The following RNH1 variants were observed in gnomAD, a reference collection of about 807,000 sequenced individuals.
RNH1 encodes ribonuclease inhibitor.
A neutral mutation model predicts 46.1 loss-of-function variants in RNH1; 38 were observed. That is an observed-to-expected ratio of 0.82 (90% CI 0.64 to 1.08). The LOEUF is 1.08. Ranked by LOEUF, RNH1 falls within the 50% of genes least tolerant of loss-of-function variation. The probability of loss-of-function intolerance (pLI) is 0.00; values close to 1 mark genes in which losing one functional copy is unlikely to be tolerated. For synonymous variants in RNH1, 319 were observed against 279.1 expected (o/e 1.14, Z -1.43); for missense variants, 577 against 590.7 (o/e 0.98, Z 0.24).
intron 5 of RNH1, chr11:499,431 G>C: frequency 1.5e-6 from 1 of 678,300 alleles, no homozygotes; most frequent in Non-Finnish European, 2.7e-6. Flanking sequence ...AGGCCCGGGA[G>C]AAAGAAACCA....
At position 498,018 on chromosome 11, in the gene RNH1, C is replaced by T. The variant is rs780449071; in HGVS notation, c.1080G>A (p.Glu360=). ...NNRLEDAGVR[E]LCQGLGQPGS... is the part of the protein sequence containing the mutation. ...CAGGCTGGCCCAGGCCCTGGCACAG[C>T]TCCCGCACGCCCGCATCCTCCAGCC... The change falls in exon 9 of 11, where the codon GAG becomes GAA. Residue 360 remains glutamate, a synonymous_variant. Transcript: ENST00000354420. 3.7e-6 allele frequency: 6 copies of T among 1,614,138 alleles called. No homozygotes were observed. Among genetic ancestry groups the T allele is most frequent in the Non-Finnish European group, 5.1e-6 (6 of 1,180,028 alleles).
Position 500,182 on chromosome 11 carries a change from G to C in RNH1, c.273-183C>G, listed in dbSNP as rs149205078. The C allele has an allele frequency of 2.4e-3, 1,758 of 730,514 alleles. 6 individuals carry two copies. The highest frequency in any genetic ancestry group is 3.0e-3 in the Non-Finnish European group (1,371 of 457,682). 45.3% of individuals were successfully genotyped at this position (730,514 alleles called of 1,614,324 possible). A position where few individuals can be genotyped will look rare whatever the true frequency, so the allele number is the denominator to read the frequency against. On this transcript the variant is annotated intron_variant, in intron 4 of 10. Coordinates refer to ENST00000354420, the MANE Select transcript of RNH1 (RefSeq NM_203387.3). ...GTGAAGGAGGGCACGCATGTGGCTC[G>C]ACCCAGGGAAACCTTGTCTGCAGAC...
intron 9 of RNH1, among the ~76,000 whole-genome samples, chr11:497,277 A>C (rs1359890328): frequency 6.7e-6 from 1 of 148,318 alleles, no homozygotes; most frequent in Non-Finnish European, 1.5e-5. Context: ...GTGCTCACAC[A>C]CGGACACTCG....
At chr11:500,452 C>A (rs1267745261) in intron 4 of RNH1, 32 bp downstream of exon 4, 2 of 1,587,010 alleles carry the variant, frequency 1.3e-6, no homozygotes, top group Non-Finnish European at 1.7e-6. Flanking sequence ...CAGACTGCAC[C>A]AGGCCAGAGG....
rs779599090 is a variant in RNH1 at position 501,593 on chromosome 11, C to G, written c.101+469G>C. On this transcript the variant is annotated intron_variant, in intron 3 of 10. Transcript: ENST00000354420. This position sits in a 1 kb window ranked among gnomAD's most constrained non-coding sequence, Gnocchi z 4.1. ...CCGCAAACCTGACACTACTTGAAAT[C>G]ACCAGGTAAAAAGAGAAAAGATGCG... 31 of 163,464 alleles carry G rather than the reference C, an allele frequency of 1.9e-4. No individual in the cohort carries two copies. The highest frequency in any genetic ancestry group is 3.6e-4 in the Non-Finnish European group (27 of 74,918). The allele number at this position is 163,464 out of a possible 1,614,324, so 10.1% of individuals were successfully genotyped here. A position where few individuals can be genotyped will look rare whatever the true frequency, so the allele number is the denominator to read the frequency against.
intron 9 of RNH1, 132 bp downstream of exon 9, chr11:497,839 G>A (rs916101150): frequency 1.9e-5 from 21 of 1,095,474 alleles, no homozygotes; most frequent in East Asian, 7.4e-5. Flanking sequence ...GCTCACACTC[G>A]CCTCACCCAT....
In RNH1 at chr11:500,539, C is replaced by T. The variant is rs150705572; in HGVS notation, c.217G>A (p.Val73Met). 47 of 1,610,706 alleles carry T rather than the reference C, an allele frequency of 2.9e-5. No homozygotes were observed. In the African/African-American group the frequency reaches 3.7e-4, roughly 13 times the overall value. Residue 73 changes from valine (V) to methionine (M), a missense_variant, in exon 4 of 11, where the codon GTG becomes ATG. By Grantham distance (21) the Val-to-Met change is conservative (BLOSUM62 1). Coordinates refer to ENST00000354420, the MANE Select transcript of RNH1 (RefSeq NM_203387.3). Reference protein sequence around the residue: ...LRSNELGDVGVHCVLQGLQTP... With the variant: ...LRSNELGDVGMHCVLQGLQTP... ...TGCAGGCCCTGGAGCACGCAATGCACGCCGACATCGCCCAGCTCGTTGCTG... is the reference window on the plus strand; with the variant it reads ...TGCAGGCCCTGGAGCACGCAATGCATGCCGACATCGCCCAGCTCGTTGCTG...
At chr11:499,278 C>T in intron 5 of RNH1, 93 bp from the exon 6 acceptor site, 1 of 1,391,582 alleles carries the variant, frequency 7.2e-7, no homozygotes, top group Non-Finnish European at 9.9e-7. Context: ...GTCTCATCTC[C>T]CCTCAGTCTT....
rs1849825218 is a variant in RNH1, at chr11:502,356, A to T, written c.-87-107T>A. 1.6e-6 allele frequency: 1 copy of T among 614,090 alleles called. No homozygotes were observed. The highest frequency in any genetic ancestry group is 2.7e-5 in the Admixed American group (1 of 37,730). The allele number at this position is 614,090 out of a possible 1,614,324, so 38.0% of individuals were successfully genotyped here. ...CCCCACCTTTGTCTCTGGAGCAGAC[A>T]TCAGGGGTGGGGCAGGGGGCAGGGA... On this transcript the variant is annotated intron_variant, in intron 2 of 10. Coordinates refer to ENST00000354420, the MANE Select transcript of RNH1 (RefSeq NM_203387.3). This position sits in a 1 kb window ranked among gnomAD's most constrained non-coding sequence, Gnocchi z 5.8.
At chr11:498,165 G>T (rs372334175) in intron 8 of RNH1, 24 bp from the exon 9 acceptor site, 1 of 1,600,058 alleles carries the variant, frequency 6.2e-7, no homozygotes, top group East Asian at 2.2e-5. Context: ...CAGGACTGAC[G>T]CCTGGCAGGG....
Position 499,067 on chromosome 11 carries a change from G to A in RNH1, c.562C>T (p.Arg188Cys), listed in dbSNP as rs779317212. The A allele has an allele frequency of 2.5e-6, 4 of 1,613,266 alleles. No homozygotes were observed. The highest frequency in any genetic ancestry group is 2.2e-5 in the East Asian group (1 of 44,866). ...TCCTTCAGGCCCTGGCACAGCACAC[G>A]GACGCCAGCCTCATTGATGTCGTTG... ...SNNDINEAGV[R>C]VLCQGLKDSP... The change falls in exon 6 of 11, where the codon CGT becomes TGT. Residue 188 changes from arginine (R) to cysteine (C), a missense_variant. By Grantham distance (180) the Arg-to-Cys change is radical. Coordinates refer to ENST00000354420, the MANE Select transcript of RNH1 (RefSeq NM_203387.3).
chr11:499,120 G>C lies in RNH1; in HGVS notation c.509C>G (p.Pro170Arg). ...EPLASVLRAK[P>R]DFKELTVSNN... is the part of the protein sequence containing the mutation. ...GCTAACCGTGAGCTCCTTGAAGTCC[G>C]GCTTGGCCCTGAGCACGGAGGCCAG... The change falls in exon 6 of 11, where the codon CCG becomes CGG. Residue 170 changes from proline to arginine, a missense_variant. By Grantham distance (103) the Pro-to-Arg change is moderately radical. Coordinates refer to ENST00000354420, the MANE Select transcript of RNH1 (RefSeq NM_203387.3). 1.2e-6 allele frequency: 2 copies of C among 1,613,302 alleles called. No individual in the cohort carries two copies. The highest frequency in any genetic ancestry group is 1.7e-6 in the Non-Finnish European group (2 of 1,179,940).
rs549415970 is a variant in RNH1, at chr11:497,215, G to A, written c.1127+756C>T. On this transcript the variant is annotated intron_variant, in intron 9 of 10. Coordinates refer to ENST00000354420, the MANE Select transcript of RNH1 (RefSeq NM_203387.3). ...TGCTCACTCTCACCCATGTGCTCACGTACTCTCGCCCATGTGCTCACACAC... is the reference window on the plus strand; with the variant it reads ...TGCTCACTCTCACCCATGTGCTCACATACTCTCGCCCATGTGCTCACACAC... Among the ~76,000 whole-genome samples, 107 of 73,170 alleles carry A rather than the reference G, an allele frequency of 1.5e-3. No homozygotes were observed. The East Asian group carries it at 0.033, about 22-fold the overall frequency. 48.0% of individuals were successfully genotyped at this position (73,170 alleles called of 152,430 possible).
chr11:499,155 G>T lies in RNH1; in HGVS notation c.474C>A (p.Ser158Arg). 6.2e-7 allele frequency: 1 copy of T among 1,612,852 alleles called. No individual in the cohort carries two copies. Among genetic ancestry groups the T allele is most frequent in the Non-Finnish European group, 8.5e-7 (1 of 1,179,946 alleles). ...TGAGCACGGAGGCCAGGGGCTCGCA[G>T]CTGGCAGCCGAGAGGCTGCAATACT... ...QLEYCSLSAASCEPLASVLRA... is the reference protein window; with the variant it reads ...QLEYCSLSAARCEPLASVLRA... The change falls in exon 6 of 11, where the codon AGC becomes AGA. Residue 158 changes from serine to arginine, a missense_variant. Ser to Arg is a moderately radical substitution (Grantham distance 110, BLOSUM62 -1). Transcript: ENST00000354420.
chr11:501,826 C>T lies in RNH1; in HGVS notation c.101+236G>A, dbSNP rs367713965. On this transcript the variant is annotated intron_variant, in intron 3 of 10. Coordinates refer to ENST00000354420, the MANE Select transcript of RNH1 (RefSeq NM_203387.3). This position sits in a 1 kb window ranked among gnomAD's most constrained non-coding sequence, Gnocchi z 4.1. The stretch of plus-strand genomic sequence containing the variant: ...AGCCAGAGACCCACTGGCCAGTGGC[C>T]GCCCACCTCGGCCCGCCCACCTCAG... 93 of 549,180 alleles carry T rather than the reference C, an allele frequency of 1.7e-4. No homozygotes were observed. Among genetic ancestry groups the T allele is most frequent in the East Asian group, 1.5e-3 (50 of 33,782 alleles). The allele number at this position is 549,180 out of a possible 1,614,324, so 34.0% of individuals were successfully genotyped here.
In RNH1 at chr11:494,699, T is replaced by C. The variant is rs1467747042; in HGVS notation, c.1378A>G (p.Ile460Val). 1 of 1,613,590 alleles carries C rather than the reference T, an allele frequency of 6.2e-7. No homozygotes were observed. Among genetic ancestry groups the C allele is most frequent in the Non-Finnish European group, 8.5e-7 (1 of 1,179,870 alleles). ...LEKDKPSLRV[I>V]S The stretch of plus-strand genomic sequence containing the variant: ...CAGCAGCAGGAAGAGCCTCAGGAGA[T>C]GACCCTCAGGGATGGCTTGTCCTTC... The change falls in exon 11 of 11, where the codon ATC becomes GTC. Residue 460 changes from isoleucine (I) to valine (V), a missense_variant. Coordinates refer to ENST00000354420, the MANE Select transcript of RNH1 (RefSeq NM_203387.3).
intron 4 of RNH1, 175 bp downstream of exon 4, chr11:500,309 T>TC (rs972851304): frequency 4.0e-5 from 32 of 796,602 alleles, no homozygotes; most frequent in East Asian, 2.2e-4. Context: ...AAGGGCCCTG[T>TC]CCCCCCCGCT....
chr11:500,069 C>A (rs1849602217), intron 4 of RNH1, 70 bp from the exon 5 acceptor site: 2 of 1,456,346 alleles, frequency 1.4e-6, no homozygotes, highest in African/African-American at 1.4e-5. Flanking sequence ...TGCCAGAGCC[C>A]AGAGCCCGGA....
At chr11:503,908 C>A (rs1057367713) in intron 2 of RNH1, among the ~76,000 whole-genome samples, 11 of 152,188 alleles carry the variant, frequency 7.2e-5, no homozygotes, top group Admixed American at 7.2e-4. Context: ...ACTGAGGACC[C>A]CATGAAAATG....
Sources: allele counts gnomAD v4.1 joint callset (sites outside exome capture counted in the v4.1 genomes callset), GRCh38; gene constraint gnomAD v4.1.1; non-coding constraint Gnocchi (gnomAD v3.1); transcripts MANE v1.5; gene names NCBI Gene and HGNC (gene_info 2026-07-23, HGNC 2026-07-21).